The following IFT140 variants were observed in gnomAD, a reference collection of about 807,000 sequenced individuals.
IFT140 encodes the protein intraflagellar transport 140.
In IFT140, 133 loss-of-function variants were observed where a neutral mutation model predicts 164.6. That is an observed-to-expected ratio of 0.81 (90% CI 0.70 to 0.93). IFT140 has a LOEUF of 0.93. Among genes scored for constraint, IFT140 ranks in the 40% least tolerant of loss-of-function variants. The probability of loss-of-function intolerance (pLI) is 0.00; values close to 1 mark genes in which losing one functional copy is unlikely to be tolerated. For synonymous variants in IFT140, 860 were observed against 817.3 expected (o/e 1.05, Z -0.89); for missense variants, 2,045 against 1,972.3 (o/e 1.04, Z -0.70).
intron 14 of IFT140, 60 bp downstream of exon 14, chr16:1,571,347 C>T: frequency 6.5e-7 from 1 of 1,543,568 alleles, no homozygotes; most frequent in Non-Finnish European, 8.8e-7. Flanking sequence ...TTCTACCCAT[C>T]ACACTGTCTC....
At chr16:1,609,422 C>T (rs1452108725) in intron 2 of IFT140, among the ~76,000 whole-genome samples, 1 of 152,148 alleles carries the variant, frequency 6.6e-6, no homozygotes, top group East Asian at 1.9e-4. Context: ...GCTTCTTGCC[C>T]AGTGTCCCCA....
chr16:1,552,155 G>T (rs1294076279), intron 19 of IFT140, among the ~76,000 whole-genome samples: 1 of 152,152 alleles, frequency 6.6e-6, no homozygotes, highest in Non-Finnish European at 1.5e-5. Flanking sequence ...TGTAACACCC[G>T]CAAGTAGAAA....
At chr16:1,597,940 G>A (rs370175228) in intron 4 of IFT140, among the ~76,000 whole-genome samples, 1 of 152,164 alleles carries the variant, frequency 6.6e-6, no homozygotes, top group Non-Finnish European at 1.5e-5. Flanking sequence ...TCTCAACACA[G>A]TCAAGCTGAG....
rs1302217320 is a variant in IFT140 at position 1,526,673 on chromosome 16, C to T, written c.2523G>A (p.Gln841=). The T allele has an allele frequency of 6.3e-7, 1 of 1,599,894 alleles. No individual in the cohort carries two copies. The highest frequency in any genetic ancestry group is 8.5e-7 in the Non-Finnish European group (1 of 1,176,258). ...CCACGCGGGCCTCTAGCTCCGGCTC[C>T]TGCTCCGCCTCACGCAGCGCTCGGG... The part of the protein sequence containing the change: ...RGARALREAE[Q]EPELEARVAV... The change falls in exon 20 of 31, where the codon CAG becomes CAA. Residue 841 remains glutamine, a synonymous_variant. Transcript: ENST00000426508.
At chr16:1,511,293 C>T in intron 30 of IFT140, 143 bp from the exon 31 acceptor site, 1 of 752,850 alleles carries the variant, frequency 1.3e-6, no homozygotes, top group East Asian at 2.7e-5. Context: ...CTGAGGCTTC[C>T]CATTGGTGAT....
rs572016424 is a variant in IFT140 at position 1,539,705 on chromosome 16, C to T, written c.2400-12909G>A. 9.2e-5 allele frequency among the ~76,000 whole-genome samples: 14 copies of T among 152,334 alleles called. No homozygotes were observed. The South Asian group carries it at 1.2e-3, about 14-fold the overall frequency. ...GCTCACTGGGGTGTCTGTTTTGCTGCGAGAAAAATGAGCGAGGGGCAGCTG... is the reference window on the plus strand; with the variant it reads ...GCTCACTGGGGTGTCTGTTTTGCTGTGAGAAAAATGAGCGAGGGGCAGCTG... On this transcript the variant is annotated intron_variant, in intron 19 of 30. Coordinates refer to ENST00000426508, the MANE Select transcript of IFT140 (RefSeq NM_014714.4).
At chr16:1,516,723 T>A (rs1270979083) in intron 30 of IFT140, among the ~76,000 whole-genome samples, 1 of 146,696 alleles carries the variant, frequency 6.8e-6, no homozygotes, top group Non-Finnish European at 1.5e-5. Context: ...TGAGCCGAGA[T>A]TGCACCACCG....
chr16:1,542,058 G>A (rs772107738), intron 19 of IFT140: 3 of 1,607,962 alleles, frequency 1.9e-6, no homozygotes, highest in South Asian at 2.2e-5. Flanking sequence ...GGCCATGGCC[G>A]CTGCATTCCA....
chr16:1,593,595 C>T lies in IFT140; in HGVS notation c.370-1007G>A, dbSNP rs547893490. 1.1e-4 allele frequency among the ~76,000 whole-genome samples: 16 copies of T among 152,272 alleles called. 1 individual carries two copies. The South Asian group carries it at 2.7e-3, about 26-fold the overall frequency. On this transcript the variant is annotated intron_variant, in intron 4 of 30. Coordinates refer to ENST00000426508, the MANE Select transcript of IFT140 (RefSeq NM_014714.4). ...CTGGGCTATGACAGGGTCTCAGGCT[C>T]TTTGTCTTAAGGCCCTGGACAGTGT...
At chr16:1,530,281 C>A (rs761272687) in intron 19 of IFT140, among the ~76,000 whole-genome samples, 1 of 151,682 alleles carries the variant, frequency 6.6e-6, no homozygotes, top group Non-Finnish European at 1.5e-5. Flanking sequence ...TACAGGCATG[C>A]GCCACCACAC....
At chr16:1,525,401 G>A (rs1466884313) in intron 21 of IFT140, 75 bp from the exon 22 acceptor site, 1 of 1,146,400 alleles carries the variant, frequency 8.7e-7, no homozygotes, top group Non-Finnish European at 1.3e-6. Flanking sequence ...CTGAGGGGCA[G>A]CGTCGGTGAA....
intron 2 of IFT140, among the ~76,000 whole-genome samples, chr16:1,609,334 C>T (rs982325072): frequency 3.9e-5 from 6 of 152,148 alleles, no homozygotes; most frequent in Non-Finnish European, 8.8e-5. Flanking sequence ...TTCTTTCCTG[C>T]CTGGGGTTTT....
chr16:1,528,398 G>GCACGCACGTGTGCACACACACGC (rs2030011819), intron 19 of IFT140, among the ~76,000 whole-genome samples: 2 of 141,704 alleles, frequency 1.4e-5, no homozygotes, highest in Non-Finnish European at 1.5e-5. Context: ...CACACACACG[G>GCACGCACGTGTGCACACACACGC]ATGCACACAC....
At chr16:1,603,486 CT>C (rs537190496) in intron 3 of IFT140, among the ~76,000 whole-genome samples, 42 of 147,960 alleles carry the variant, frequency 2.8e-4, no homozygotes, top group Non-Finnish European at 4.7e-4. Flanking sequence ...TGCGTTTCCT[CT>C]TTTTTTTTTT....
rs1471379682 is a variant in IFT140, at chr16:1,602,499, C to T, written c.240G>A (p.Trp80Ter). The T allele has an allele frequency of 2.5e-6, 4 of 1,614,068 alleles. No homozygotes were observed. Among genetic ancestry groups the T allele is most frequent in the Non-Finnish European group, 3.4e-6 (4 of 1,180,050 alleles). Residue 80 changes from tryptophan to a stop codon, truncating the protein, a stop_gained, in exon 4 of 31, where the codon TGG becomes TGA. Transcript: ENST00000426508. LOFTEE classifies it high-confidence loss of function. The stretch of plus-strand genomic sequence containing the variant: ...TAAACACCGTCACTTCTCCAGTCTC[C>T]CAGCCCACAGCCAGCACCAGCCGCG... ...HPTRLVLAVG[W>*]ETGEVTVFNK...
intron 29 of IFT140, among the ~76,000 whole-genome samples, chr16:1,518,617 A>G (rs377330672): frequency 6.6e-6 from 1 of 151,902 alleles, no homozygotes; most frequent in African/African-American, 2.4e-5. Context: ...TTCCTGCTCT[A>G]TGGAACAGTC....
At chr16:1,552,977 G>A in intron 19 of IFT140, 1 of 985,286 alleles carries the variant, frequency 1.0e-6, no homozygotes, top group South Asian at 4.7e-5. Flanking sequence ...TAATAAAACA[G>A]AAGTATCCAG....
In IFT140 at chr16:1,553,842, A is replaced by C. The variant is rs557610518; in HGVS notation, c.2399+4093T>G. ...GACGCCCGGCTCCATCGCTGCGGCC[A>C]CAGTGTCCTGTTATCCTAGTTGGTA... On this transcript the variant is annotated intron_variant, in intron 19 of 30. Transcript: ENST00000426508. This position sits in a 1 kb window ranked among gnomAD's most constrained non-coding sequence, Gnocchi z 4.4. 2.3e-5 allele frequency: 28 copies of C among 1,217,990 alleles called. No homozygotes were observed. The highest frequency in any genetic ancestry group is 7.4e-4 in the Middle Eastern group (2 of 2,714). The allele number at this position is 1,217,990 out of a possible 1,614,324, so 75.4% of individuals were successfully genotyped here. A position where few individuals can be genotyped will look rare whatever the true frequency, so the allele number is the denominator to read the frequency against.
At chr16:1,522,449 C>T (rs543657530) in intron 26 of IFT140, among the ~76,000 whole-genome samples, 1 of 152,276 alleles carries the variant, frequency 6.6e-6, no homozygotes, top group East Asian at 1.9e-4. Context: ...GCAGGAGAAT[C>T]ACTTGAACCC....
Sources: allele counts gnomAD v4.1 joint callset (sites outside exome capture counted in the v4.1 genomes callset), GRCh38; gene constraint gnomAD v4.1.1; non-coding constraint Gnocchi (gnomAD v3.1); transcripts MANE v1.5; gene names NCBI Gene and HGNC (gene_info 2026-07-23, HGNC 2026-07-21).